Variants in PHYHIPL observed in about 807,000 individuals in gnomAD.
PHYHIPL encodes phytanoyl-CoA 2-hydroxylase interacting protein like.
In PHYHIPL, 9 loss-of-function variants were observed where a neutral mutation model predicts 33.4. That is an observed-to-expected ratio of 0.27 (90% CI 0.16 to 0.47). The LOEUF is 0.47. PHYHIPL is among the 20% of genes least tolerant of loss of function. The pLI, the probability that PHYHIPL is intolerant of heterozygous loss-of-function variation, is 0.99. For synonymous variants in PHYHIPL, 153 were observed against 154.1 expected (o/e 0.99, Z 0.05); for missense variants, 365 against 460.7 (o/e 0.79, Z 1.90).
intron 4 of PHYHIPL, among the ~76,000 whole-genome samples, chr10:59,242,465 C>T (rs1840435061): frequency 6.6e-6 from 1 of 151,976 alleles, no homozygotes; most frequent in African/African-American, 2.4e-5. Context: ...AAATATGATC[C>T]AGAATATAAT....
chr10:59,236,748 G>A (rs1306114816), intron 3 of PHYHIPL, 91 bp downstream of exon 3: 4 of 1,130,540 alleles, frequency 3.5e-6, no homozygotes, highest in Non-Finnish European at 4.7e-6. Flanking sequence ...ATTATAAAGT[G>A]ATATATGTGA....
intron 1 of PHYHIPL, among the ~76,000 whole-genome samples, chr10:59,226,337 T>C (rs956561683): frequency 3.9e-5 from 6 of 152,090 alleles, no homozygotes; most frequent in African/African-American, 1.4e-4. Flanking sequence ...ACAGATCCAA[T>C]ATACAGATAC....
At position 59,247,680 on chromosome 10, in the gene PHYHIPL, G is replaced by A; in HGVS notation, c.*2089G>A. 1 of 1,613,354 alleles carries A rather than the reference G, an allele frequency of 6.2e-7. No individual in the cohort carries two copies. The highest frequency in any genetic ancestry group is 8.5e-7 in the Non-Finnish European group (1 of 1,179,580). On this transcript the variant is annotated 3_prime_UTR_variant, in exon 5 of 5. Transcript: ENST00000373880. ...CTAATAGTCTCAGTTTGGCTTTTAT[G>A]TGCTTATATTCATAATACTCATCTG...
At chr10:59,187,751 G>T (rs575321496) in intron 1 of PHYHIPL, among the ~76,000 whole-genome samples, 3 of 152,186 alleles carry the variant, frequency 2.0e-5, no homozygotes, top group Non-Finnish European at 2.9e-5. Context: ...GTTTATTTGA[G>T]TAGAGAGGTT....
At chr10:59,174,792 G>A (rs532738689), upstream of PHYHIPL, among the ~76,000 whole-genome samples, 7 of 152,262 alleles carry the variant, frequency 4.6e-5, no homozygotes, top group East Asian at 1.9e-4. Flanking sequence ...AACCTCGTGC[G>A]TGCTTCTACA....
At chr10:59,204,366 G>C (rs1337356401) in intron 1 of PHYHIPL, among the ~76,000 whole-genome samples, 1 of 152,148 alleles carries the variant, frequency 6.6e-6, no homozygotes, top group Non-Finnish European at 1.5e-5. Context: ...AACAGTCTAA[G>C]TGATTACAAG....
intron 1 of PHYHIPL, among the ~76,000 whole-genome samples, chr10:59,190,161 C>T (rs1838746560): frequency 6.6e-6 from 1 of 151,926 alleles, no homozygotes; most frequent in African/African-American, 2.4e-5. Context: ...TTTAAATTAG[C>T]AGCTATGCTT....
intron 1 of PHYHIPL, among the ~76,000 whole-genome samples, chr10:59,198,049 TAA>T (rs1354745922): frequency 4.6e-5 from 7 of 151,854 alleles, no homozygotes; most frequent in Admixed American, 4.6e-4. Flanking sequence ...TCTAAAGCAG[TAA>T]TCTTTTTTTA....
chr10:59,225,802 C>T (rs186478137), intron 1 of PHYHIPL, among the ~76,000 whole-genome samples: 31 of 152,226 alleles, frequency 2.0e-4, no homozygotes, highest in African/African-American at 6.0e-4. Context: ...ATAGCATCCT[C>T]TTGTAGGAAA....
chr10:59,205,865 C>T (rs145035731), intron 1 of PHYHIPL, among the ~76,000 whole-genome samples: 48 of 152,200 alleles, frequency 3.2e-4, no homozygotes, highest in African/African-American at 1.1e-3. Flanking sequence ...TTCTGGCTTT[C>T]GTAATATAAA....
chr10:59,182,829 T>C (rs1371885879), intron 1 of PHYHIPL, among the ~76,000 whole-genome samples: 5 of 152,122 alleles, frequency 3.3e-5, no homozygotes, highest in Admixed American at 2.0e-4. Flanking sequence ...TTCATGATGA[T>C]TGAAATTTCA....
chr10:59,173,942 T>TC, upstream of PHYHIPL, among the ~76,000 whole-genome samples: 1 of 107,600 alleles, frequency 9.3e-6, no homozygotes, highest in Non-Finnish European at 1.8e-5. Flanking sequence ...TTTTTTTTTT[T>TC]TTTTTTTTTT....
intron 1 of PHYHIPL, among the ~76,000 whole-genome samples, chr10:59,228,648 T>C (rs1309428413): frequency 1.3e-5 from 2 of 152,180 alleles, no homozygotes; most frequent in African/African-American, 4.8e-5. Context: ...GTTGTATCTA[T>C]TCTTTGTTAG....
intron 4 of PHYHIPL, among the ~76,000 whole-genome samples, chr10:59,239,812 ACTT>A (rs1269412360): frequency 3.3e-5 from 5 of 152,108 alleles, no homozygotes; most frequent in African/African-American, 1.2e-4. Context: ...AGGTTGTAAA[ACTT>A]CTTACACAGC....
At position 59,247,076 on chromosome 10, in the gene PHYHIPL, G is replaced by A. The variant is rs1426794859; in HGVS notation, c.*1485G>A. 4 of 156,604 alleles carry A rather than the reference G, an allele frequency of 2.6e-5. No homozygotes were observed. The highest frequency in any genetic ancestry group is 1.4e-5 in the Non-Finnish European group (1 of 71,004). The allele number at this position is 156,604 out of a possible 1,614,324, so 9.7% of individuals were successfully genotyped here. On this transcript the variant is annotated 3_prime_UTR_variant, in exon 5 of 5. Transcript: ENST00000373880. ...AGCAACACAATCTAGTTTATTTTAG[G>A]GTACTGAGAGCCTAGCAGACTTAAA...
chr10:59,237,405 C>G (rs1554800234), intron 3 of PHYHIPL, among the ~76,000 whole-genome samples: 1 of 151,844 alleles, frequency 6.6e-6, no homozygotes, highest in Non-Finnish European at 1.5e-5. Flanking sequence ...TCATCCTTTC[C>G]TTTTGTCTTT....
Position 59,176,673 on chromosome 10 carries a change from C to G in PHYHIPL, c.-181C>G. 1 of 574,632 alleles carries G rather than the reference C, an allele frequency of 1.7e-6. No individual in the cohort carries two copies. Among genetic ancestry groups the G allele is most frequent in the South Asian group, 2.1e-5 (1 of 47,466 alleles). The allele number at this position is 574,632 out of a possible 1,614,324, so 35.6% of individuals were successfully genotyped here. The stretch of plus-strand genomic sequence containing the variant: ...CGCACACTCCGCGGAGCTCCTGCCA[C>G]AGCCGTCGCCTTCGCGGCGGCTCTC... On this transcript the variant is annotated 5_prime_UTR_variant, in exon 1 of 5. Coordinates refer to ENST00000373880, the MANE Select transcript of PHYHIPL (RefSeq NM_032439.4).
chr10:59,245,300 T>C lies in PHYHIPL; in HGVS notation c.840T>C (p.Tyr280=), dbSNP rs1205975075. 2 of 1,614,214 alleles carry C rather than the reference T, an allele frequency of 1.2e-6. No individual in the cohort carries two copies. Among genetic ancestry groups the C allele is most frequent in the South Asian group, 1.1e-5 (1 of 91,082 alleles). The change falls in exon 5 of 5, where the codon TAT becomes TAC. Residue 280 remains tyrosine (Y), a synonymous_variant. Transcript: ENST00000373880. ...ACTGTATGTACACTGCTTATCATTA[T>C]GTGATTCTTGTTATTGCTCCTGTGG... ...DFYCMYTAYH[Y]VILVIAPVGS...
chr10:59,211,208 T>TA (rs554267065), intron 1 of PHYHIPL, among the ~76,000 whole-genome samples: 14 of 149,316 alleles, frequency 9.4e-5, no homozygotes, highest in South Asian at 4.3e-4. Flanking sequence ...CCCCCATGTC[T>TA]AAAAAAAAAA....
Sources: gnomAD v4.1 joint callset for allele counts (sites outside exome capture counted in the v4.1 genomes callset) on GRCh38, gnomAD v4.1.1 for gene constraint, MANE v1.5 for transcripts, NCBI Gene and HGNC (gene_info 2026-07-23, HGNC 2026-07-21) for gene names.